The following KHDRBS2 variants were observed in gnomAD, a reference collection of about 807,000 sequenced individuals.
The protein encoded by KHDRBS2 is KH RNA binding domain containing, signal transduction associated 2.
A neutral mutation model predicts 44.3 loss-of-function variants in KHDRBS2; 26 were observed. That is an observed-to-expected ratio of 0.59 (90% confidence interval 0.43 to 0.81). The LOEUF is 0.81. KHDRBS2 is among the 40% of genes least tolerant of loss of function. The pLI is 0.00. For synonymous variants in KHDRBS2, 194 were observed against 151.1 expected, an observed-to-expected ratio of 1.28 and a Z score of -2.08; for missense variants, 476 against 433.1, an observed-to-expected ratio of 1.10 and a Z score of -0.88.
chr6:61,564,114 C>A, the KHDRBS2 span, among the ~76,000 whole-genome samples: 1 of 152,068 alleles, frequency 6.6e-6, no homozygotes, highest in East Asian at 1.9e-4. Context: ...ATGCCTCAGC[C>A]ATGCAGAAAA....
chr6:61,641,754 T>G, the KHDRBS2 span, among the ~76,000 whole-genome samples: 7 of 152,184 alleles, frequency 4.6e-5, no homozygotes, highest in Admixed American at 4.6e-4. Flanking sequence ...TACAATATGT[T>G]TAGTAGACAT....
At chr6:62,093,942 G>C (rs1215313811) in intron 2 of KHDRBS2, among the ~76,000 whole-genome samples, 6 of 149,412 alleles carry the variant, frequency 4.0e-5, no homozygotes, top group African/African-American at 9.8e-5. Context: ...ATTTATGTTT[G>C]TTCATTCCAT....
At chr6:62,228,012 G>T (rs565655961) in intron 1 of KHDRBS2, among the ~76,000 whole-genome samples, 1 of 152,196 alleles carries the variant, frequency 6.6e-6, no homozygotes, top group East Asian at 1.9e-4. Context: ...GCCACATTTT[G>T]GTATCAGAAT....
At chr6:62,266,011 T>G (rs1249242405) in intron 1 of KHDRBS2, among the ~76,000 whole-genome samples, 2 of 151,990 alleles carry the variant, frequency 1.3e-5, no homozygotes, top group African/African-American at 4.8e-5. Flanking sequence ...CAGAAACATT[T>G]CAGGGGTGGT....
At chr6:61,965,751 A>G (rs1769781516) in intron 4 of KHDRBS2, among the ~76,000 whole-genome samples, 1 of 152,000 alleles carries the variant, frequency 6.6e-6, no homozygotes, top group South Asian at 2.1e-4. Context: ...TTAGAGGATA[A>G]GTTAAGGCAT....
chr6:61,758,870 C>G (rs1382152411), intron 6 of KHDRBS2, among the ~76,000 whole-genome samples: 1 of 152,106 alleles, frequency 6.6e-6, no homozygotes, highest in Non-Finnish European at 1.5e-5. Context: ...CATACTCTCA[C>G]AGATGCTTGA....
At chr6:62,174,622 C>CA (rs1238582279) in intron 2 of KHDRBS2, among the ~76,000 whole-genome samples, 4 of 151,404 alleles carry the variant, frequency 2.6e-5, no homozygotes, top group African/African-American at 7.3e-5. Flanking sequence ...ACAATCTATC[C>CA]AAAAAAAGTC....
chr6:62,070,306 T>C (rs1027308546), intron 2 of KHDRBS2, among the ~76,000 whole-genome samples: 6 of 150,260 alleles, frequency 4.0e-5, no homozygotes, highest in South Asian at 2.1e-4. Flanking sequence ...AATACTGGCC[T>C]TGTAAAATAA....
At chr6:61,579,091 T>C in the KHDRBS2 span, among the ~76,000 whole-genome samples, 2 of 152,150 alleles carry the variant, frequency 1.3e-5, no homozygotes, top group Non-Finnish European at 2.9e-5. Flanking sequence ...AATAAGCACA[T>C]GCGTAGGCTC....
At chr6:61,799,271 C>T (rs1421066908) in intron 6 of KHDRBS2, among the ~76,000 whole-genome samples, 1 of 151,976 alleles carries the variant, frequency 6.6e-6, no homozygotes, top group Non-Finnish European at 1.5e-5. Flanking sequence ...TTGAATAACT[C>T]GAGGGCTTTT....
chr6:61,973,078 G>T (rs1771770489), intron 4 of KHDRBS2, among the ~76,000 whole-genome samples: 1 of 152,118 alleles, frequency 6.6e-6, no homozygotes, highest in South Asian at 2.1e-4. Flanking sequence ...AGGTTGCAGT[G>T]AGCTGAGATC....
intron 2 of KHDRBS2, among the ~76,000 whole-genome samples, chr6:62,050,332 T>A (rs1053478454): frequency 2.0e-5 from 3 of 151,574 alleles, no homozygotes; most frequent in African/African-American, 7.3e-5. Context: ...ATACCTAATG[T>A]AGATGATGTG....
chr6:61,883,955 AC>A (rs1168174686), intron 6 of KHDRBS2, among the ~76,000 whole-genome samples: 1 of 152,082 alleles, frequency 6.6e-6, no homozygotes, highest in East Asian at 1.9e-4. Flanking sequence ...TGGCTATTAC[AC>A]AAAAAGCCAC....
intron 2 of KHDRBS2, among the ~76,000 whole-genome samples, chr6:62,125,083 A>C (rs1367055591): frequency 6.6e-6 from 1 of 152,148 alleles, no homozygotes; most frequent in East Asian, 1.9e-4. Context: ...ATAAGGTTTT[A>C]ACTTCATATC....
intron 2 of KHDRBS2, among the ~76,000 whole-genome samples, chr6:62,128,403 T>C (rs577108281): frequency 6.6e-6 from 1 of 152,268 alleles, no homozygotes; most frequent in East Asian, 1.9e-4. Context: ...AGACTGACAG[T>C]CCAAGTATTC....
At chr6:62,259,179 T>C (rs2150180447) in intron 1 of KHDRBS2, among the ~76,000 whole-genome samples, 1 of 152,130 alleles carries the variant, frequency 6.6e-6, no homozygotes, top group African/African-American at 2.4e-5. Flanking sequence ...TGTATGGCCA[T>C]TGTAAGAAAA....
chr6:62,198,726 A>C (rs903787798), intron 1 of KHDRBS2, among the ~76,000 whole-genome samples: 1 of 152,206 alleles, frequency 6.6e-6, no homozygotes, highest in Non-Finnish European at 1.5e-5. Flanking sequence ...ATCCTCCCTA[A>C]CTCATTTTAT....
intron 3 of KHDRBS2, among the ~76,000 whole-genome samples, chr6:62,036,486 C>A (rs1299933145): frequency 6.6e-6 from 1 of 151,794 alleles, no homozygotes; most frequent in African/African-American, 2.4e-5. Flanking sequence ...CACCAGACTC[C>A]CATAACACAC....
chr6:61,954,684 T>C (rs373663098), intron 4 of KHDRBS2, among the ~76,000 whole-genome samples: 9,654 of 86,344 alleles, frequency 0.11, 1,297 homozygotes, highest in Non-Finnish European at 0.14. Context: ...ACATACATAC[T>C]TATGTATACA....
Sources: allele counts gnomAD v4.1 joint callset (sites outside exome capture counted in the v4.1 genomes callset), GRCh38; gene constraint gnomAD v4.1.1; transcripts MANE v1.5; gene names NCBI Gene and HGNC (gene_info 2026-07-23, HGNC 2026-07-21).